Variants in NALF1 observed in about 807,000 individuals in gnomAD.
NALF1 encodes NALCN channel auxiliary factor 1, also known as family with sequence similarity 155 member A.
NALF1 carries 3 observed loss-of-function variants against 48.4 expected under a neutral mutation model. The observed-to-expected ratio is 0.06, with a 90% CI of 0.03 to 0.16. NALF1 has a LOEUF of 0.16. NALF1 is among the 10% of genes least tolerant of loss of function. NALF1 has a pLI of 1.00. For synonymous variants in NALF1, 262 were observed against 245.7 expected, an observed-to-expected ratio of 1.07 and a Z score of -0.62; for missense variants, 526 against 571.5, an observed-to-expected ratio of 0.92 and a Z score of 0.81.
chr13:107,254,666 G>A (rs1171024017), intron 1 of NALF1, among the ~76,000 whole-genome samples: 3 of 152,148 alleles, frequency 2.0e-5, no homozygotes, highest in Non-Finnish European at 4.4e-5. Flanking sequence ...AAGGAATGTG[G>A]TATGACATAA....
chr13:107,607,387 G>A (rs1879101866), intron 1 of NALF1, among the ~76,000 whole-genome samples: 1 of 151,950 alleles, frequency 6.6e-6, no homozygotes, highest in Admixed American at 6.6e-5. Flanking sequence ...AGAGAAAGAA[G>A]GAAGAAATAA....
chr13:107,680,781 ATG>A (rs140455431), intron 1 of NALF1, among the ~76,000 whole-genome samples: 50 of 139,624 alleles, frequency 3.6e-4, no homozygotes, highest in Admixed American at 1.3e-3. Context: ...AAATGTAAGA[ATG>A]TGTGTGTCCA....
At chr13:107,552,872 T>G (rs1877337879) in intron 1 of NALF1, among the ~76,000 whole-genome samples, 1 of 151,686 alleles carries the variant, frequency 6.6e-6, no homozygotes, top group African/African-American at 2.4e-5. Flanking sequence ...TTACTGTCGT[T>G]TATATAATAT....
intron 1 of NALF1, among the ~76,000 whole-genome samples, chr13:107,419,953 TG>T (rs1382799412): frequency 6.6e-6 from 1 of 152,176 alleles, no homozygotes; most frequent in Non-Finnish European, 1.5e-5. Flanking sequence ...CTGATTCTTC[TG>T]AAGACCAAGC....
intron 1 of NALF1, among the ~76,000 whole-genome samples, chr13:107,635,636 T>C (rs549980880): frequency 6.6e-6 from 1 of 152,194 alleles, no homozygotes; most frequent in Non-Finnish European, 1.5e-5. Context: ...CTTTCTAAAC[T>C]TCAATTCCTC....
chr13:107,604,874 G>A (rs1046139213), intron 1 of NALF1, among the ~76,000 whole-genome samples: 7 of 152,056 alleles, frequency 4.6e-5, no homozygotes, highest in African/African-American at 1.2e-4. Context: ...CCATGAGATC[G>A]TGATAATACT....
intron 1 of NALF1, among the ~76,000 whole-genome samples, chr13:107,614,271 A>AT (rs1261077177): frequency 2.0e-5 from 3 of 152,214 alleles, no homozygotes; most frequent in Non-Finnish European, 4.4e-5. Flanking sequence ...CTTGTCTAAC[A>AT]TCATCAAGGA....
At chr13:107,649,432 T>C (rs1178318414) in intron 1 of NALF1, among the ~76,000 whole-genome samples, 1 of 152,220 alleles carries the variant, frequency 6.6e-6, no homozygotes, top group Non-Finnish European at 1.5e-5. Flanking sequence ...GTACTGGCTA[T>C]GCAGTTGTGT....
chr13:107,679,051 G>T (rs1881207570), intron 1 of NALF1, among the ~76,000 whole-genome samples: 1 of 152,112 alleles, frequency 6.6e-6, no homozygotes, highest in Non-Finnish European at 1.5e-5. Flanking sequence ...TTAAAGGATT[G>T]TCAGCTGTAC....
chr13:107,223,368 C>T (rs1269384705), intron 1 of NALF1, among the ~76,000 whole-genome samples: 1 of 152,006 alleles, frequency 6.6e-6, no homozygotes, highest in African/African-American at 2.4e-5. Flanking sequence ...AAATGTTCCA[C>T]CAACTTTTGT....
chr13:107,299,459 TAATAATAATAATA>T (rs1384282365), intron 1 of NALF1, among the ~76,000 whole-genome samples: 44 of 48,770 alleles, frequency 9.0e-4, no homozygotes, highest in South Asian at 1.7e-3. Flanking sequence ...ATAATAATAA[TAATAATAATAATA>T]AATAAATAAA....
At chr13:107,576,272 T>C (rs1033818174) in intron 1 of NALF1, among the ~76,000 whole-genome samples, 2 of 152,218 alleles carry the variant, frequency 1.3e-5, no homozygotes, top group Non-Finnish European at 2.9e-5. Context: ...GAATTGCTAA[T>C]TTATACATGT....
intron 1 of NALF1, among the ~76,000 whole-genome samples, chr13:107,290,485 C>G (rs1881598819): frequency 6.6e-6 from 1 of 152,094 alleles, no homozygotes; most frequent in African/African-American, 2.4e-5. Context: ...CTCACAAGAT[C>G]TGATGATTTT....
rs376422193 is a variant in NALF1 at position 107,440,901 on chromosome 13, C to T, written c.916-230146G>A. Among the ~76,000 whole-genome samples the T allele has an allele frequency of 1.7e-3, 255 of 152,104 alleles. 9 individuals carry two copies. The South Asian group carries it at 0.052, about 31-fold the overall frequency. Reference sequence around the variant, plus strand: ...TTTTAGTTATAATTTTCGGCAACTTCGGTATAAATAAACAAGACCGCCCCT... The same window carrying T: ...TTTTAGTTATAATTTTCGGCAACTTTGGTATAAATAAACAAGACCGCCCCT... On this transcript the variant is annotated intron_variant, in intron 1 of 2. Transcript: ENST00000375915.
intron 1 of NALF1, among the ~76,000 whole-genome samples, chr13:107,714,493 C>A (rs1048861920): frequency 1.3e-5 from 2 of 151,996 alleles, no homozygotes; most frequent in East Asian, 1.9e-4. Context: ...CATGGTAAAA[C>A]CCTATCTCTA....
At position 107,866,135 on chromosome 13, in the gene NALF1, C is replaced by T. The variant is rs1473872015; in HGVS notation, c.462G>A (p.Lys154=). The T allele has an allele frequency of 7.4e-6, 12 of 1,611,892 alleles. No homozygotes were observed. Among genetic ancestry groups the T allele is most frequent in the Non-Finnish European group, 1.0e-5 (12 of 1,179,520 alleles). Residue 154 remains lysine, a synonymous_variant, in exon 1 of 3, where the codon AAG becomes AAA. Coordinates refer to ENST00000375915, the MANE Select transcript of NALF1 (RefSeq NM_001080396.3). The surrounding 1 kb of genome is among the most constrained non-coding windows in gnomAD (Gnocchi z 4.4). ...TGGCAGAGTTTCCTAGAAAAAGAGC[C>T]TTGCCCCGGTCGTCTTTGCCTCGGT... ...KGNRGKDDRG[K]ALFLGNSAKP... is the part of the protein sequence containing the mutation.
At chr13:107,623,388 G>C (rs964483421) in intron 1 of NALF1, among the ~76,000 whole-genome samples, 3 of 151,028 alleles carry the variant, frequency 2.0e-5, no homozygotes, top group Non-Finnish European at 4.4e-5. Context: ...TAAGGTGACA[G>C]TTACATGCCT....
chr13:107,371,631 C>T (rs1039530523), intron 1 of NALF1, among the ~76,000 whole-genome samples: 2 of 152,016 alleles, frequency 1.3e-5, no homozygotes, highest in African/African-American at 4.8e-5. Flanking sequence ...ACAAAGATGT[C>T]TTTTTTAAAA....
intron 1 of NALF1, among the ~76,000 whole-genome samples, chr13:107,790,868 C>T (rs895613326): frequency 1.3e-5 from 2 of 152,020 alleles, no homozygotes; most frequent in Non-Finnish European, 2.9e-5. Context: ...AGACTTATAA[C>T]AGTGTTACAT....
Sources: gnomAD v4.1 joint callset for allele counts (sites outside exome capture counted in the v4.1 genomes callset) on GRCh38, gnomAD v4.1.1 for gene constraint, Gnocchi (gnomAD v3.1) non-coding constraint, MANE v1.5 for transcripts, NCBI Gene and HGNC (gene_info 2026-07-23, HGNC 2026-07-21) for gene names.